Variants in THEMIS observed in about 807,000 individuals in gnomAD.
The protein encoded by THEMIS is protein THEMIS.
THEMIS carries 37 observed loss-of-function variants against 52.6 expected under a neutral mutation model. That is an observed-to-expected ratio of 0.70 (90% confidence interval 0.54 to 0.93). The LOEUF is 0.93. Ranked by LOEUF, THEMIS falls within the 40% of genes least tolerant of loss-of-function variation. THEMIS has a pLI of 0.00. For synonymous variants in THEMIS, 292 were observed against 272.7 expected (o/e 1.07, Z -0.70); for missense variants, 808 against 763.1 (o/e 1.06, Z -0.69).
At chr6:127,789,811 C>T (rs1310175698) in intron 4 of THEMIS, among the ~76,000 whole-genome samples, 2 of 152,056 alleles carry the variant, frequency 1.3e-5, no homozygotes, top group Admixed American at 6.6e-5. Context: ...AAAAGGCCCT[C>T]GATATAACTC....
At position 127,906,465 on chromosome 6, in the gene THEMIS, C is replaced by G. The variant is rs556853548; in HGVS notation, c.-149-5384G>C. 3.9e-5 allele frequency among the ~76,000 whole-genome samples: 6 copies of G among 152,014 alleles called. 1 individual carries two copies. In the South Asian group the frequency reaches 1.2e-3, roughly 31 times the overall value. ...TACTGTTAATGGTGCAATGTTTAGT[C>G]ACTCATCTATATTACAAACTGTTGT... On this transcript the variant is annotated intron_variant, in intron 1 of 6. Coordinates refer to the THEMIS transcript ENST00000368250.
At chr6:127,876,330 G>T (rs149854181) in intron 1 of THEMIS, among the ~76,000 whole-genome samples, 1 of 152,142 alleles carries the variant, frequency 6.6e-6, no homozygotes, top group Non-Finnish European at 1.5e-5. Flanking sequence ...GAGGTGCTGG[G>T]GTATTAGGAG....
At chr6:127,815,652 A>T (rs978288662) in intron 3 of THEMIS, among the ~76,000 whole-genome samples, 1 of 152,224 alleles carries the variant, frequency 6.6e-6, no homozygotes, top group Non-Finnish European at 1.5e-5. Context: ...AAAGTTTAGC[A>T]TGCACTAACT....
chr6:127,729,197 TCTC>T (rs1398376631), intron 4 of THEMIS, among the ~76,000 whole-genome samples: 32 of 82,798 alleles, frequency 3.9e-4, no homozygotes, highest in African/African-American at 1.1e-3. Flanking sequence ...TCTCTCTCTC[TCTC>T]TCTTCACTCA....
At chr6:127,774,171 G>C (rs922113171) in intron 4 of THEMIS, among the ~76,000 whole-genome samples, 2 of 152,208 alleles carry the variant, frequency 1.3e-5, no homozygotes, top group African/African-American at 4.8e-5. Context: ...AAAAAGCAAA[G>C]CAGAACCTAC....
At chr6:127,842,832 C>A (rs1283955032) in intron 2 of THEMIS, among the ~76,000 whole-genome samples, 1 of 151,818 alleles carries the variant, frequency 6.6e-6, no homozygotes. Flanking sequence ...GTTCAGCAAC[C>A]CCCTGTGTCA....
chr6:127,796,844 A>G (rs2114543400), intron 4 of THEMIS, among the ~76,000 whole-genome samples: 1 of 152,330 alleles, frequency 6.6e-6, no homozygotes, highest in Middle Eastern at 3.4e-3. Flanking sequence ...TCTACACAAG[A>G]GCCACCTTGA....
chr6:127,892,433 A>T (rs144796739), intron 1 of THEMIS, among the ~76,000 whole-genome samples: 268 of 152,256 alleles, frequency 1.8e-3, no homozygotes, highest in African/African-American at 6.0e-3. Flanking sequence ...GCTTCATGAC[A>T]CTTGTATATA....
At chr6:127,847,740 A>G (rs947764442) in intron 2 of THEMIS, among the ~76,000 whole-genome samples, 5 of 151,890 alleles carry the variant, frequency 3.3e-5, no homozygotes, top group Non-Finnish European at 5.9e-5. Flanking sequence ...TACGGATTCA[A>G]TGCAATTCCC....
At chr6:127,701,095 A>G in the THEMIS span, among the ~76,000 whole-genome samples, 1 of 152,114 alleles carries the variant, frequency 6.6e-6, no homozygotes, top group Non-Finnish European at 1.5e-5. Flanking sequence ...TGATATAACC[A>G]TAACACAGAT....
rs75605956 is a variant in THEMIS at position 127,804,723 on chromosome 6, G to A, written c.1758+8160C>T. 3.2e-3 allele frequency among the ~76,000 whole-genome samples: 487 copies of A among 152,210 alleles called. 22 individuals carry two copies. In the East Asian group the frequency reaches 0.083, roughly 26 times the overall value. Reference sequence around the variant, plus strand: ...TGAAGAGAATAGCTTGGATAGGGTGGTTCTCAGCCTTGGATAACAATTGAG... The same window carrying A: ...TGAAGAGAATAGCTTGGATAGGGTGATTCTCAGCCTTGGATAACAATTGAG... On this transcript the variant is annotated intron_variant, in intron 4 of 5. Transcript: ENST00000368248.
chr6:127,775,781 G>A (rs1334637872), intron 4 of THEMIS, among the ~76,000 whole-genome samples: 1 of 152,018 alleles, frequency 6.6e-6, no homozygotes, highest in Non-Finnish European at 1.5e-5. Context: ...ATGCTTTTGA[G>A]AGTCATTTAT....
chr6:127,801,210 C>T (rs563650967), intron 4 of THEMIS, among the ~76,000 whole-genome samples: 17 of 152,232 alleles, frequency 1.1e-4, no homozygotes, highest in South Asian at 6.2e-4. Context: ...ACCAAGGAAC[C>T]TTTGACCATA....
rs547678192 is a variant in THEMIS, at chr6:127,808,986, C to T, written c.1758+3897G>A. On this transcript the variant is annotated intron_variant, in intron 4 of 5. Coordinates refer to ENST00000368248, the MANE Select transcript of THEMIS (RefSeq NM_001010923.3). ...ATTTTAGATTCTTACTCTTAGATTG[C>T]CCATACATCTGTCTGTTACTTAATG... is the stretch of plus-strand genomic sequence containing the variant. Among the ~76,000 whole-genome samples the T allele has an allele frequency of 2.6e-5, 4 of 152,266 alleles. No homozygotes were observed. The East Asian group carries it at 7.7e-4, about 29-fold the overall frequency.
intron 3 of THEMIS, among the ~76,000 whole-genome samples, chr6:127,815,831 G>A (rs1304742677): frequency 6.6e-6 from 1 of 152,096 alleles, no homozygotes; most frequent in Non-Finnish European, 1.5e-5. Flanking sequence ...TAGAATAGAT[G>A]CCATCAAGGA....
intron 1 of THEMIS, among the ~76,000 whole-genome samples, chr6:127,913,882 T>C (rs1022698494): frequency 5.3e-5 from 8 of 152,166 alleles, no homozygotes; most frequent in African/African-American, 9.7e-5. Context: ...GGAGAAAATA[T>C]TGCTCCTAAA....
intron 4 of THEMIS, among the ~76,000 whole-genome samples, chr6:127,740,854 CAT>C (rs1350503609): frequency 3.3e-5 from 5 of 152,130 alleles, no homozygotes; most frequent in African/African-American, 1.2e-4. Flanking sequence ...CATTTTGTGA[CAT>C]ATATTTTTTA....
chr6:127,774,301 G>T (rs1253997291), intron 4 of THEMIS, among the ~76,000 whole-genome samples: 2 of 152,232 alleles, frequency 1.3e-5, no homozygotes, highest in East Asian at 3.8e-4. Context: ...CGCCTCCCGG[G>T]TTCACACCAT....
chr6:127,762,071 T>C (rs889051090), intron 4 of THEMIS, among the ~76,000 whole-genome samples: 2 of 152,120 alleles, frequency 1.3e-5, no homozygotes, highest in African/African-American at 2.4e-5. Flanking sequence ...ACTATTCAGA[T>C]TTTTTAAAAA....
Sources: gnomAD v4.1 joint callset for allele counts (sites outside exome capture counted in the v4.1 genomes callset) on GRCh38, gnomAD v4.1.1 for gene constraint, MANE v1.5 for transcripts, NCBI Gene and HGNC (gene_info 2026-07-23, HGNC 2026-07-21) for gene names.